C1orf21: variants seen among roughly 807,000 people sequenced by gnomAD.
The protein encoded by C1orf21 is chromosome 1 open reading frame 21.
A neutral mutation model predicts 18.7 loss-of-function variants in C1orf21; 3 were observed. The ratio of observed to expected loss-of-function variants is 0.16; its 90% CI spans 0.07 to 0.42. The LOEUF is 0.42. Ranked by LOEUF, C1orf21 falls within the 10% of genes least tolerant of loss-of-function variation. The pLI, the probability that C1orf21 is intolerant of heterozygous loss-of-function variation, is 0.99. For missense variants in C1orf21, 104 were observed against 143.6 expected (o/e 0.72, Z 1.41); for synonymous variants, 41 against 46.4 (o/e 0.88, Z 0.47).
chr1:184,539,364 T>C (rs2101976797), intron 3 of C1orf21, among the ~76,000 whole-genome samples: 1 of 152,344 alleles, frequency 6.6e-6, no homozygotes, highest in East Asian at 1.9e-4. Context: ...TGGTGTATAA[T>C]CTTTTTACTA....
chr1:184,585,674 T>C (rs1275742790), intron 3 of C1orf21, among the ~76,000 whole-genome samples: 1 of 152,236 alleles, frequency 6.6e-6, no homozygotes, highest in Non-Finnish European at 1.5e-5. Flanking sequence ...TATGTGTCCA[T>C]GTCTTCTCAT....
intron 1 of C1orf21, among the ~76,000 whole-genome samples, chr1:184,428,035 C>T (rs1190404300): frequency 1.3e-5 from 2 of 152,176 alleles, no homozygotes; most frequent in Non-Finnish European, 2.9e-5. Flanking sequence ...GGGCAAGATA[C>T]TTAAGCCCTC....
Position 184,438,937 on chromosome 1 carries a change from G to A in C1orf21, c.-124-38449G>A, listed in dbSNP as rs558414191. On this transcript the variant is annotated intron_variant, in intron 1 of 5. Transcript: ENST00000235307. ...CATTAAAAACTATTCTTGGCTGGGC[G>A]CAGTGGCTCACGCCTGCAATCCCAG... Among the ~76,000 whole-genome samples, 7 of 152,258 alleles carry A rather than the reference G, an allele frequency of 4.6e-5. No individual in the cohort carries two copies. In the South Asian group the frequency reaches 6.2e-4, roughly 14 times the overall value.
At chr1:184,474,377 T>C (rs1366322058) in intron 1 of C1orf21, among the ~76,000 whole-genome samples, 1 of 152,178 alleles carries the variant, frequency 6.6e-6, no homozygotes, top group Non-Finnish European at 1.5e-5. Context: ...CTCACCCCAA[T>C]GCTTGAATAA....
intron 3 of C1orf21, among the ~76,000 whole-genome samples, chr1:184,548,566 C>G (rs1200445740): frequency 1.3e-5 from 2 of 152,098 alleles, no homozygotes. Flanking sequence ...GGACTCTACA[C>G]TAAGCACTTA....
rs1659939966 is a variant in C1orf21 at position 184,622,500 on chromosome 1, T to C, written c.*2944T>C. ...TCAGGATCATGGAGTACTGCTCTCA[T>C]AATTGAAGACGTGTTTGTTATTGGC... On this transcript the variant is annotated 3_prime_UTR_variant, in exon 6 of 6. Transcript: ENST00000235307. The C allele has an allele frequency of 2.0e-5, 3 of 152,762 alleles. No individual in the cohort carries two copies. The highest frequency in any genetic ancestry group is 2.0e-4 in the Admixed American group (3 of 15,282). The allele number at this position is 152,762 out of a possible 1,614,324, so 9.5% of individuals were successfully genotyped here.
intron 3 of C1orf21, chr1:184,566,908 C>A: frequency 2.0e-6 from 1 of 509,630 alleles, no homozygotes. Context: ...ATTGTCTTCT[C>A]CATCCTATAA....
chr1:184,573,593 A>G (rs907525385), intron 3 of C1orf21, among the ~76,000 whole-genome samples: 1 of 152,230 alleles, frequency 6.6e-6, no homozygotes, highest in Admixed American at 6.5e-5. Context: ...CTCAAAGAGC[A>G]TGTTTACGTA....
intron 3 of C1orf21, among the ~76,000 whole-genome samples, chr1:184,511,519 T>C (rs1658142960): frequency 6.6e-6 from 1 of 152,212 alleles, no homozygotes; most frequent in African/African-American, 2.4e-5. Flanking sequence ...TCAGCAGCAT[T>C]GCTTGAGACA....
At chr1:184,458,279 T>G (rs1657251425) in intron 1 of C1orf21, among the ~76,000 whole-genome samples, 1 of 152,156 alleles carries the variant, frequency 6.6e-6, no homozygotes, top group Non-Finnish European at 1.5e-5. Flanking sequence ...TTCTTACTAT[T>G]TTATTATGTA....
At chr1:184,542,337 C>T (rs1658666297) in intron 3 of C1orf21, among the ~76,000 whole-genome samples, 2 of 152,226 alleles carry the variant, frequency 1.3e-5, no homozygotes. Flanking sequence ...ATGAGGAAAA[C>T]TTAAACACTT....
chr1:184,410,648 TA>T lies in C1orf21; in HGVS notation c.-125+23281del, dbSNP rs1296093858. ...ATATATATATATATATATATATATA[TA>T]TATATATATATATATTTTTTTTTTT... is the stretch of plus-strand genomic sequence containing the variant. On this transcript the variant is annotated intron_variant, in intron 1 of 5. Transcript: ENST00000235307. Among the ~76,000 whole-genome samples, 68 of 6,992 alleles carry T rather than the reference TA, an allele frequency of 9.7e-3. 15 individuals are homozygous for T. Among genetic ancestry groups the T allele is most frequent in the Non-Finnish European group, 0.012 (58 of 4,906 alleles). 4.6% of individuals were successfully genotyped at this position (6,992 alleles called of 152,430 possible).
intron 3 of C1orf21, among the ~76,000 whole-genome samples, chr1:184,579,790 T>G (rs920552405): frequency 6.6e-6 from 1 of 152,158 alleles, no homozygotes; most frequent in African/African-American, 2.4e-5. Flanking sequence ...ATTACAGGCA[T>G]GAGCCACTGC....
At chr1:184,563,854 A>G (rs1658997852) in intron 3 of C1orf21, among the ~76,000 whole-genome samples, 1 of 152,222 alleles carries the variant, frequency 6.6e-6, no homozygotes, top group Non-Finnish European at 1.5e-5. Context: ...TGGACAGAGA[A>G]TATTTAACTG....
intron 1 of C1orf21, among the ~76,000 whole-genome samples, chr1:184,399,531 A>G (rs1656116139): frequency 6.6e-6 from 1 of 151,494 alleles, no homozygotes; most frequent in East Asian, 1.9e-4. Context: ...CCCAGCTAAT[A>G]TTTTGTAGAG....
intron 1 of C1orf21, among the ~76,000 whole-genome samples, chr1:184,398,408 A>G (rs12070712): frequency 0.27 from 40,908 of 151,984 alleles, 7,974 homozygotes; most frequent in African/African-American, 0.56. Flanking sequence ...TTAAAGTCAG[A>G]CTTTTAATTG....
intron 4 of C1orf21, among the ~76,000 whole-genome samples, chr1:184,595,717 C>G (rs1659502695): frequency 1.3e-5 from 2 of 152,180 alleles, no homozygotes; most frequent in South Asian, 4.1e-4. Context: ...CCGGCAATGT[C>G]TGACACACTT....
rs10489728 is a variant in C1orf21, at chr1:184,515,576, A to G, written c.189+7894A>G. On this transcript the variant is annotated intron_variant, in intron 3 of 5. Coordinates refer to ENST00000235307, the MANE Select transcript of C1orf21 (RefSeq NM_030806.4). ...TATTCAGATTCCTTGGCCTCTCTAA[A>G]GTAAGTATTTTGGCAGATAAAGGAC... is the stretch of plus-strand genomic sequence containing the variant. Among the ~76,000 whole-genome samples, 5 of 152,200 alleles carry G rather than the reference A, an allele frequency of 3.3e-5. 1 individual carries two copies. Among genetic ancestry groups the G allele is most frequent in the African/African-American group, 1.2e-4 (5 of 41,454 alleles).
intron 2 of C1orf21, among the ~76,000 whole-genome samples, chr1:184,506,193 A>G (rs559732455): frequency 4.3e-4 from 65 of 152,290 alleles, no homozygotes; most frequent in Non-Finnish European, 6.8e-4. Flanking sequence ...ATCAATAATA[A>G]CTCTAAATTG....
Sources: allele counts gnomAD v4.1 joint callset (sites outside exome capture counted in the v4.1 genomes callset), GRCh38; gene constraint gnomAD v4.1.1; transcripts MANE v1.5; gene names NCBI Gene and HGNC (gene_info 2026-07-23, HGNC 2026-07-21).